The following UHRF2 variants were observed in gnomAD, a reference collection of about 807,000 sequenced individuals.
The protein encoded by UHRF2 is E3 ubiquitin-protein ligase UHRF2.
Under a neutral mutation model 96.8 loss-of-function variants are expected in UHRF2, and 23 were observed. The ratio of observed to expected loss-of-function variants is 0.24; its 90% CI spans 0.17 to 0.34. UHRF2 has a LOEUF of 0.34. Among genes scored for constraint, UHRF2 ranks in the 10% least tolerant of loss-of-function variants. The pLI is 1.00. For missense variants in UHRF2, 685 were observed against 981.5 expected, an observed-to-expected ratio of 0.70 and a Z score of 4.04; for synonymous variants, 385 against 332.6, an observed-to-expected ratio of 1.16 and a Z score of -1.72.
intron 4 of UHRF2, among the ~76,000 whole-genome samples, chr9:6,465,057 G>C (rs1822776707): frequency 6.6e-6 from 1 of 151,868 alleles, no homozygotes; most frequent in Non-Finnish European, 1.5e-5. Context: ...CTTTACTTTT[G>C]ATTTCTTCTT....
In UHRF2 at chr9:6,413,393, G is replaced by C. The variant is rs912014971; in HGVS notation, c.-98G>C. ...GGCGCGCTCGCCCGCCTGCCGCTGA[G>C]GGCCCGAGCCGCAGGGAAAGCGGCG... On this transcript the variant is annotated 5_prime_UTR_variant, in exon 1 of 16. Transcript: ENST00000276893. 1 of 1,210,628 alleles carries C rather than the reference G, an allele frequency of 8.3e-7. No homozygotes were observed. Among genetic ancestry groups the C allele is most frequent in the Non-Finnish European group, 1.0e-6 (1 of 956,798 alleles). 75.0% of individuals were successfully genotyped at this position (1,210,628 alleles called of 1,614,324 possible). A position where few individuals can be genotyped will look rare whatever the true frequency, so the allele number is the denominator to read the frequency against.
At chr9:6,455,927 C>T (rs1464838088) in intron 3 of UHRF2, among the ~76,000 whole-genome samples, 2 of 152,050 alleles carry the variant, frequency 1.3e-5, no homozygotes, top group South Asian at 2.1e-4. Context: ...AAGGCTGCAG[C>T]GGGCATGATC....
chr9:6,439,759 T>A (rs1176030125), intron 3 of UHRF2, among the ~76,000 whole-genome samples: 3 of 152,184 alleles, frequency 2.0e-5, no homozygotes. Flanking sequence ...AAACCACTCC[T>A]TTAGTGGGCA....
intron 4 of UHRF2, among the ~76,000 whole-genome samples, chr9:6,465,094 T>C (rs991677545): frequency 3.3e-5 from 5 of 152,118 alleles, no homozygotes; most frequent in Non-Finnish European, 7.4e-5. Flanking sequence ...AGTTGGGCCC[T>C]GAATTACATT....
intron 9 of UHRF2, among the ~76,000 whole-genome samples, chr9:6,491,214 G>A (rs951881790): frequency 3.9e-5 from 6 of 152,204 alleles, no homozygotes; most frequent in East Asian, 1.9e-4. Flanking sequence ...GAGAAGACTC[G>A]GAAGCCAGAG....
chr9:6,490,169 T>A (rs1167625352), intron 9 of UHRF2, among the ~76,000 whole-genome samples: 1 of 152,242 alleles, frequency 6.6e-6, no homozygotes, highest in Non-Finnish European at 1.5e-5. Context: ...TTTGTTGTAT[T>A]TGAGACTTGG....
At chr9:6,416,872 C>T (rs1819639636) in intron 1 of UHRF2, among the ~76,000 whole-genome samples, 1 of 152,174 alleles carries the variant, frequency 6.6e-6, no homozygotes, top group African/African-American at 2.4e-5. Flanking sequence ...AAAGGATTCT[C>T]TCTCGTCATT....
intron 13 of UHRF2, 151 bp downstream of exon 13, chr9:6,500,082 C>G (rs1364772717): frequency 3.5e-6 from 2 of 577,436 alleles, no homozygotes; most frequent in Non-Finnish European, 6.2e-6. Flanking sequence ...AAGCGATCCA[C>G]CTACCTCAAC....
intron 2 of UHRF2, among the ~76,000 whole-genome samples, chr9:6,429,455 T>A (rs544354337): frequency 3.9e-5 from 6 of 152,156 alleles, no homozygotes; most frequent in Non-Finnish European, 7.3e-5. Flanking sequence ...TGCACTGTCA[T>A]GCAGGCTGGA....
intron 2 of UHRF2, among the ~76,000 whole-genome samples, chr9:6,424,613 C>T (rs993397629): frequency 6.6e-6 from 1 of 151,976 alleles, no homozygotes; most frequent in African/African-American, 2.4e-5. Context: ...CTAGTTTTCC[C>T]TCTTAAGATC....
At chr9:6,499,954 A>G (rs1563810000) in intron 13 of UHRF2, 23 bp downstream of exon 13, 1 of 1,525,422 alleles carries the variant, frequency 6.6e-7, no homozygotes, top group South Asian at 1.2e-5. Flanking sequence ...TGCAAAATAT[A>G]AATAATAATA....
chr9:6,454,323 GT>G (rs1468709617), intron 3 of UHRF2, among the ~76,000 whole-genome samples: 2 of 152,214 alleles, frequency 1.3e-5, no homozygotes, highest in Non-Finnish European at 2.9e-5. Flanking sequence ...TGTCACATGA[GT>G]TGAAGGAAAT....
chr9:6,454,353 A>T (rs1194891775), intron 3 of UHRF2, among the ~76,000 whole-genome samples: 3 of 152,236 alleles, frequency 2.0e-5, no homozygotes, highest in Non-Finnish European at 2.9e-5. Flanking sequence ...AATGGTTTGA[A>T]TTAGGAAAGA....
At chr9:6,416,535 C>CTT (rs60522189) in intron 1 of UHRF2, among the ~76,000 whole-genome samples, 1,742 of 64,996 alleles carry the variant, frequency 0.027, 78 homozygotes, top group African/African-American at 0.055. Flanking sequence ...ATCTCTAAAT[C>CTT]TTTTTTTTTT....
At chr9:6,491,153 C>T (rs1235780017) in intron 9 of UHRF2, among the ~76,000 whole-genome samples, 3 of 152,106 alleles carry the variant, frequency 2.0e-5, no homozygotes, top group African/African-American at 4.8e-5. Flanking sequence ...AGTGAGGACC[C>T]ACAAAGATGA....
At chr9:6,435,322 C>T (rs1820778693) in intron 3 of UHRF2, among the ~76,000 whole-genome samples, 1 of 151,886 alleles carries the variant, frequency 6.6e-6, no homozygotes, top group Non-Finnish European at 1.5e-5. Flanking sequence ...GATGTGGTCT[C>T]ACTATATTGT....
intron 1 of UHRF2, 65 bp from the exon 2 acceptor site, chr9:6,420,847 G>A: frequency 7.5e-7 from 1 of 1,335,652 alleles, no homozygotes; most frequent in Non-Finnish European, 1.1e-6. Flanking sequence ...GGACATTTGA[G>A]CAACTAAAAA....
chr9:6,447,542 T>G (rs1821592154), intron 3 of UHRF2, among the ~76,000 whole-genome samples: 1 of 152,150 alleles, frequency 6.6e-6, no homozygotes, highest in Non-Finnish European at 1.5e-5. Context: ...GAGAGTAGAT[T>G]AATACAGCTG....
chr9:6,413,345 C>T lies in UHRF2; in HGVS notation c.-146C>T. On this transcript the variant is annotated 5_prime_UTR_variant, in exon 1 of 16. Transcript: ENST00000276893. ...CTGAGAGTCGTCGCCGCCTGTCGGG[C>T]CCGGCGTCCGGTCGGTCCGGTGGGC... 1 of 772,626 alleles carries T rather than the reference C, an allele frequency of 1.3e-6. No individual in the cohort carries two copies. The highest frequency in any genetic ancestry group is 1.7e-6 in the Non-Finnish European group (1 of 594,850). The allele number at this position is 772,626 out of a possible 1,614,324, so 47.9% of individuals were successfully genotyped here. A position where few individuals can be genotyped will look rare whatever the true frequency, so the allele number is the denominator to read the frequency against.
Sources: allele counts gnomAD v4.1 joint callset (sites outside exome capture counted in the v4.1 genomes callset), GRCh38; gene constraint gnomAD v4.1.1; transcripts MANE v1.5; gene names NCBI Gene and HGNC (gene_info 2026-07-23, HGNC 2026-07-21).